Variants in KIAA1217 observed in about 807,000 individuals in gnomAD.
The protein encoded by KIAA1217 is sickle tail protein homolog.
KIAA1217 carries 88 observed loss-of-function variants against 163.9 expected under a neutral mutation model. The ratio of observed to expected loss-of-function variants is 0.54; its 90% CI spans 0.45 to 0.64. The LOEUF (loss-of-function observed/expected upper bound fraction) is 0.64, where lower values mean the gene tolerates loss of function less well. Ranked by LOEUF, KIAA1217 falls within the 30% of genes least tolerant of loss-of-function variation. KIAA1217 has a pLI of 0.00. For synonymous variants in KIAA1217, 903 were observed against 923.1 expected (o/e 0.98, Z 0.39); for missense variants, 2,372 against 2,475.0 (o/e 0.96, Z 0.88).
At chr10:23,730,989 T>A (rs1280194459) in intron 1 of KIAA1217, among the ~76,000 whole-genome samples, 1 of 152,236 alleles carries the variant, frequency 6.6e-6, no homozygotes, top group African/African-American at 2.4e-5. Flanking sequence ...TTAATTCATT[T>A]TCTTGTCTGA....
intron 1 of KIAA1217, among the ~76,000 whole-genome samples, chr10:23,868,729 C>T (rs1246468733): frequency 2.0e-5 from 3 of 152,092 alleles, no homozygotes; most frequent in African/African-American, 4.8e-5. Flanking sequence ...AGTAGAGCCT[C>T]CTGGCTCTCA....
intron 2 of KIAA1217, among the ~76,000 whole-genome samples, chr10:24,152,726 T>TACAAAAA (rs377294850): frequency 6.9e-6 from 1 of 144,738 alleles, no homozygotes; most frequent in African/African-American, 2.6e-5. Flanking sequence ...TCTATTCCCT[T>TACAAAAA]AAAAAAAAAA....
chr10:24,163,015 A>C (rs1017640981), intron 2 of KIAA1217, among the ~76,000 whole-genome samples: 2 of 152,214 alleles, frequency 1.3e-5, no homozygotes, highest in African/African-American at 4.8e-5. Context: ...GACATGGGAA[A>C]AAATCACTTC....
chr10:24,393,305 G>C (rs1174319082), intron 3 of KIAA1217, among the ~76,000 whole-genome samples: 2 of 152,158 alleles, frequency 1.3e-5, no homozygotes. Context: ...AGAGGAGTTA[G>C]TGAAAGGTCC....
At chr10:24,541,634 G>A (rs568226317) in intron 17 of KIAA1217, among the ~76,000 whole-genome samples, 1 of 152,140 alleles carries the variant, frequency 6.6e-6, no homozygotes, top group African/African-American at 2.4e-5. Flanking sequence ...CCTTGGAACC[G>A]ACAAGGCATC....
At chr10:24,486,505 C>T (rs1007735897) in intron 6 of KIAA1217, among the ~76,000 whole-genome samples, 1 of 152,166 alleles carries the variant, frequency 6.6e-6, no homozygotes, top group Admixed American at 6.5e-5. Flanking sequence ...ACCGTCTGCC[C>T]CTCTGACATC....
chr10:23,838,547 G>A (rs754121971), intron 1 of KIAA1217, among the ~76,000 whole-genome samples: 15 of 151,586 alleles, frequency 9.9e-5, no homozygotes, highest in South Asian at 2.1e-4. Context: ...TGCAACCTCC[G>A]CCTCCGAGGC....
In KIAA1217 at chr10:23,914,389, A is replaced by G. The variant is rs537592433; in HGVS notation, c.-320-92836A>G. 4.8e-4 allele frequency among the ~76,000 whole-genome samples: 73 copies of G among 152,250 alleles called. 2 individuals carry two copies. In the South Asian group the frequency reaches 0.014, roughly 29 times the overall value. On this transcript the variant is annotated intron_variant, in intron 1 of 18. Transcript: ENST00000376462. ...GAGTGTAGTGGCACAGTCATAGCTC[A>G]CTGCAGCCTCCAATTCCTGGGCTCA...
At chr10:24,439,036 G>T (rs151085976) in intron 5 of KIAA1217, among the ~76,000 whole-genome samples, 2 of 152,034 alleles carry the variant, frequency 1.3e-5, no homozygotes, top group African/African-American at 2.4e-5. Flanking sequence ...ACAAAAATCC[G>T]CATGATTTGG....
At chr10:23,941,043 A>C (rs925159568) in intron 1 of KIAA1217, among the ~76,000 whole-genome samples, 5 of 152,186 alleles carry the variant, frequency 3.3e-5, no homozygotes, top group African/African-American at 1.2e-4. Flanking sequence ...TGCAGAGAAA[A>C]GTGGTTCAAG....
intron 3 of KIAA1217, among the ~76,000 whole-genome samples, chr10:24,412,111 C>A (rs181728271): frequency 6.6e-6 from 1 of 151,500 alleles, no homozygotes; most frequent in African/African-American, 2.4e-5. Flanking sequence ...AGAAAGATCC[C>A]GTGTGATTTT....
At chr10:24,542,628 T>A in intron 17 of KIAA1217, 65 bp from the exon 18 acceptor site, 1 of 1,590,576 alleles carries the variant, frequency 6.3e-7, no homozygotes, top group Non-Finnish European at 8.6e-7. Context: ...AACGATTTAG[T>A]TATAGTCCAC....
intron 1 of KIAA1217, among the ~76,000 whole-genome samples, chr10:23,766,702 C>T (rs1834543851): frequency 6.6e-6 from 1 of 151,148 alleles, no homozygotes; most frequent in Non-Finnish European, 1.5e-5. Flanking sequence ...GATTATTGTG[C>T]CTCAGCCTCC....
At chr10:24,472,044 T>C (rs1250287181) in intron 5 of KIAA1217, among the ~76,000 whole-genome samples, 1 of 152,150 alleles carries the variant, frequency 6.6e-6, no homozygotes, top group African/African-American at 2.4e-5. Flanking sequence ...TGTATTCACA[T>C]AATCAAGTAA....
intron 1 of KIAA1217, among the ~76,000 whole-genome samples, chr10:23,819,056 T>TTTATTATTAAAGCAATAATAATGTG (rs1837496860): frequency 2.0e-5 from 3 of 152,234 alleles, no homozygotes; most frequent in African/African-American, 7.2e-5. Context: ...ATTATTTGCA[T>TTTATTATTAAAGCAATAATAATGTG]GATATTAAAG....
chr10:24,168,267 G>A (rs2065452502), intron 2 of KIAA1217, among the ~76,000 whole-genome samples: 2 of 152,086 alleles, frequency 1.3e-5, no homozygotes, highest in African/African-American at 4.8e-5. Context: ...AGGTATAGGT[G>A]TATAATTTTT....
intron 1 of KIAA1217, among the ~76,000 whole-genome samples, chr10:23,697,807 G>A (rs1257096394): frequency 6.6e-6 from 1 of 151,768 alleles, no homozygotes; most frequent in Non-Finnish European, 1.5e-5. Context: ...AGCCCAGGAG[G>A]TCAAGGCTGC....
chr10:24,234,381 C>G (rs757251885), intron 2 of KIAA1217, among the ~76,000 whole-genome samples: 6 of 151,938 alleles, frequency 3.9e-5, no homozygotes, highest in Non-Finnish European at 1.5e-5. Flanking sequence ...ACATATATAT[C>G]GGCCGGGTGC....
chr10:23,958,712 G>A (rs1048548518), intron 1 of KIAA1217, among the ~76,000 whole-genome samples: 1 of 152,076 alleles, frequency 6.6e-6, no homozygotes, highest in African/African-American at 2.4e-5. Context: ...TCTGTTGCAA[G>A]ATGAAAAACT....
Sources: gnomAD v4.1 joint callset for allele counts (sites outside exome capture counted in the v4.1 genomes callset) on GRCh38, gnomAD v4.1.1 for gene constraint, MANE v1.5 for transcripts, NCBI Gene and HGNC (gene_info 2026-07-23, HGNC 2026-07-21) for gene names.